Variants in DAB1 observed in about 807,000 individuals in gnomAD.
The protein encoded by DAB1 is DAB adaptor protein 1.
In DAB1, 15 loss-of-function variants were observed where a neutral mutation model predicts 64.6. That is an observed-to-expected ratio of 0.23 (90% CI 0.16 to 0.36). DAB1 has a LOEUF of 0.36. Among genes scored for constraint, DAB1 ranks in the 10% least tolerant of loss-of-function variants. The probability of loss-of-function intolerance (pLI) is 1.00; values close to 1 mark genes in which losing one functional copy is unlikely to be tolerated. For synonymous variants in DAB1, 235 were observed against 251.9 expected (o/e 0.93, Z 0.64); for missense variants, 596 against 706.7 (o/e 0.84, Z 1.78).
chr1:57,694,741 G>T (rs2101718871), intron 6 of DAB1, among the ~76,000 whole-genome samples: 1 of 151,996 alleles, frequency 6.6e-6, no homozygotes. Context: ...GTATCAGAAA[G>T]GTGTAATAAA....
intron 4 of DAB1, among the ~76,000 whole-genome samples, chr1:58,296,289 C>G (rs914258253): frequency 3.9e-5 from 6 of 152,054 alleles, no homozygotes; most frequent in African/African-American, 1.4e-4. Flanking sequence ...CAACTCCTTA[C>G]TGAGTGTCCA....
chr1:57,432,402 A>T (rs570098359), intron 7 of DAB1, among the ~76,000 whole-genome samples: 14 of 152,264 alleles, frequency 9.2e-5, no homozygotes, highest in African/African-American at 3.1e-4. Context: ...ACTCAGTGCA[A>T]CACACTTCTT....
intron 3 of DAB1, among the ~76,000 whole-genome samples, chr1:58,374,850 T>C (rs1354268360): frequency 4.4e-5 from 6 of 137,508 alleles, no homozygotes; most frequent in African/African-American, 1.4e-4. Context: ...TCCTCTTTTA[T>C]TTCCTTGAGC....
intron 5 of DAB1, among the ~76,000 whole-genome samples, chr1:57,919,433 G>A (rs537374856): frequency 6.6e-6 from 1 of 152,184 alleles, no homozygotes; most frequent in African/African-American, 2.4e-5. Flanking sequence ...AGGTGCTTGT[G>A]AAACATGTGA....
At chr1:57,819,298 G>T (rs1017750470) in intron 6 of DAB1, among the ~76,000 whole-genome samples, 4 of 152,224 alleles carry the variant, frequency 2.6e-5, no homozygotes, top group African/African-American at 9.6e-5. Flanking sequence ...CCAGACAGGG[G>T]TAGAAACATC....
intron 5 of DAB1, among the ~76,000 whole-genome samples, chr1:58,107,474 A>C (rs1195407441): frequency 6.6e-6 from 1 of 151,622 alleles, no homozygotes; most frequent in African/African-American, 2.4e-5. Context: ...ATCTCCAAAA[A>C]AAAAAAAAAA....
intron 5 of DAB1, among the ~76,000 whole-genome samples, chr1:58,020,773 TG>T (rs1459658498): frequency 6.6e-6 from 1 of 152,070 alleles, no homozygotes; most frequent in Non-Finnish European, 1.5e-5. Context: ...GGGGCCGAAG[TG>T]GGCGGATTAC....
intron 4 of DAB1, among the ~76,000 whole-genome samples, chr1:58,246,763 T>A (rs1169226811): frequency 6.6e-6 from 1 of 152,114 alleles, no homozygotes; most frequent in Admixed American, 6.6e-5. Context: ...TTTGTATTTA[T>A]GAATGTGTGA....
chr1:57,123,341 T>A (rs912322310), intron 4 of DAB1, among the ~76,000 whole-genome samples: 5 of 152,194 alleles, frequency 3.3e-5, no homozygotes, highest in South Asian at 2.1e-4. Context: ...CTCATCAGTA[T>A]AAAAGCCCTA....
rs1337312110 is a variant in DAB1, at chr1:57,069,266, A to G, written c.663+94T>C. On this transcript the variant is annotated intron_variant, in intron 8 of 14. Transcript: ENST00000371236. ...TCAAAGGTATTTTAACAAGCCAGGA[A>G]TGACCAACAGAACCCTTGGTTCTTT... 2.9e-6 allele frequency: 3 copies of G among 1,047,256 alleles called. No individual in the cohort carries two copies. The East Asian group carries it at 7.2e-5, about 25-fold the overall frequency. The allele number at this position is 1,047,256 out of a possible 1,614,324, so 64.9% of individuals were successfully genotyped here.
At chr1:57,493,533 T>C (rs2101286563) in intron 7 of DAB1, among the ~76,000 whole-genome samples, 1 of 152,304 alleles carries the variant, frequency 6.6e-6, no homozygotes, top group East Asian at 1.9e-4. Flanking sequence ...AATCCGCTGA[T>C]CCATAGATGA....
chr1:57,344,941 G>C (rs902389131), intron 1 of DAB1, among the ~76,000 whole-genome samples: 8 of 152,166 alleles, frequency 5.3e-5, no homozygotes, highest in African/African-American at 1.9e-4. Flanking sequence ...TCAGAAGCCA[G>C]TCAACATTGC....
intron 7 of DAB1, among the ~76,000 whole-genome samples, chr1:57,438,611 G>T (rs1685787356): frequency 6.6e-6 from 1 of 152,136 alleles, no homozygotes; most frequent in African/African-American, 2.4e-5. Flanking sequence ...AAGAGGAGGA[G>T]GAGAATTAAA....
intron 1 of DAB1, among the ~76,000 whole-genome samples, chr1:57,826,713 A>G (rs900707994): frequency 6.6e-6 from 1 of 152,230 alleles, no homozygotes; most frequent in Non-Finnish European, 1.5e-5. Flanking sequence ...AGCAAGAGAA[A>G]TAAATGTCCC....
intron 6 of DAB1, among the ~76,000 whole-genome samples, chr1:57,746,232 T>C (rs1415916415): frequency 1.3e-5 from 2 of 152,202 alleles, no homozygotes; most frequent in East Asian, 3.9e-4. Context: ...TCTGTATGTG[T>C]GTATTTTCAG....
intron 1 of DAB1, among the ~76,000 whole-genome samples, chr1:57,353,659 C>T (rs1363693199): frequency 6.6e-6 from 1 of 152,138 alleles, no homozygotes; most frequent in Non-Finnish European, 1.5e-5. Context: ...GTTAGGTAGC[C>T]TGCCTGAGGT....
At chr1:57,093,442 T>C (rs987061623) in intron 4 of DAB1, among the ~76,000 whole-genome samples, 1 of 152,022 alleles carries the variant, frequency 6.6e-6, no homozygotes, top group African/African-American at 2.4e-5. Flanking sequence ...AATGGAGTAA[T>C]CTCTACTTAT....
intron 5 of DAB1, among the ~76,000 whole-genome samples, chr1:58,109,659 G>A (rs778069776): frequency 7.9e-5 from 12 of 152,072 alleles, no homozygotes; most frequent in African/African-American, 2.4e-4. Context: ...GGCCAAGGGC[G>A]TAAGGCTATG....
intron 4 of DAB1, among the ~76,000 whole-genome samples, chr1:58,340,301 C>T (rs952078332): frequency 6.6e-6 from 1 of 152,134 alleles, no homozygotes; most frequent in African/African-American, 2.4e-5. Flanking sequence ...GTCCCCGTTA[C>T]TAGGACAACA....
Sources: allele counts gnomAD v4.1 joint callset (sites outside exome capture counted in the v4.1 genomes callset), GRCh38; gene constraint gnomAD v4.1.1; transcripts MANE v1.5; gene names NCBI Gene and HGNC (gene_info 2026-07-23, HGNC 2026-07-21).